Variants in PCCA observed in about 807,000 individuals in gnomAD.
The protein encoded by PCCA is propionyl-CoA carboxylase subunit alpha, also known as propionyl-CoA carboxylase alpha chain, mitochondrial.
Under a neutral mutation model 101.3 loss-of-function variants are expected in PCCA, and 74 were observed. That is an observed-to-expected ratio of 0.73 (90% CI 0.61 to 0.89). The LOEUF (loss-of-function observed/expected upper bound fraction) is 0.89, where lower values mean the gene tolerates loss of function less well. Among genes scored for constraint, PCCA ranks in the 40% least tolerant of loss-of-function variants. The pLI, the probability that PCCA is intolerant of heterozygous loss-of-function variation, is 0.00. For synonymous variants in PCCA, 294 were observed against 313.6 expected (o/e 0.94, Z 0.66); for missense variants, 891 against 907.0 (o/e 0.98, Z 0.23).
In PCCA at chr13:100,112,058, T is replaced by G. The variant is rs1203679401; in HGVS notation, c.297T>G (p.Ser99Arg). ...TVAIHSDVDA[S>R]SVHVKMADEA... ...CCATCCACAGTGATGTTGATGCTAG[T>G]TCTGTAAGTATATTTTTGCTTTGTT... is the stretch of plus-strand genomic sequence containing the variant. Residue 99 changes from serine (S) to arginine (R), a missense_variant, in exon 4 of 24, where the codon AGT becomes AGG. Transcript: ENST00000376285. 3.1e-6 allele frequency: 5 copies of G among 1,608,296 alleles called. No individual in the cohort carries two copies. Among genetic ancestry groups the G allele is most frequent in the Non-Finnish European group, 4.3e-6 (5 of 1,176,424 alleles).
At chr13:100,244,935 G>GTA (rs1215805573) in intron 8 of PCCA, among the ~76,000 whole-genome samples, 1 of 91,630 alleles carries the variant, frequency 1.1e-5, no homozygotes, top group African/African-American at 4.2e-5. Context: ...AAGGCTGTGT[G>GTA]TGTGTGTGTG....
intron 7 of PCCA, among the ~76,000 whole-genome samples, chr13:100,233,710 G>A (rs2060623481): frequency 6.6e-6 from 1 of 152,174 alleles, no homozygotes; most frequent in South Asian, 2.1e-4. Flanking sequence ...TTGGATGAAT[G>A]AGTGACAAGT....
chr13:100,235,930 G>C (rs539694996), intron 8 of PCCA, 52 bp downstream of exon 8: 2 of 1,135,258 alleles, frequency 1.8e-6, no homozygotes, highest in Non-Finnish European at 2.7e-6. Flanking sequence ...CAGCAGATAC[G>C]GTTGAGTCAA....
At chr13:100,353,180 C>T (rs1485972133) in intron 18 of PCCA, among the ~76,000 whole-genome samples, 2 of 152,106 alleles carry the variant, frequency 1.3e-5, no homozygotes, top group Non-Finnish European at 2.9e-5. Context: ...TAGGCAATTC[C>T]ACAATACATC....
intron 17 of PCCA, among the ~76,000 whole-genome samples, chr13:100,339,228 C>A (rs2070951125): frequency 6.6e-6 from 1 of 152,060 alleles, no homozygotes; most frequent in South Asian, 2.1e-4. Flanking sequence ...GAAAAAAAAG[C>A]CTGTACATGT....
chr13:100,283,790 A>C (rs2064335272), intron 12 of PCCA, among the ~76,000 whole-genome samples: 2 of 152,380 alleles, frequency 1.3e-5, no homozygotes, highest in African/African-American at 4.8e-5. Context: ...GGAGCAGGCC[A>C]ATCACCTGGT....
At chr13:100,243,188 A>G (rs958455859) in intron 8 of PCCA, among the ~76,000 whole-genome samples, 9 of 152,184 alleles carry the variant, frequency 5.9e-5, no homozygotes, top group Non-Finnish European at 1.0e-4. Flanking sequence ...AAGCCACCAC[A>G]TCTGGCTGGT....
At position 100,118,094 on chromosome 13, in the gene PCCA, C is replaced by T. The variant is rs187611309; in HGVS notation, c.300+6033C>T. ...TCGTGCCACTGCAGTCCAGCCTGGG[C>T]GACAGAGCAAGACTCCATCTCAAAA... On this transcript the variant is annotated intron_variant, in intron 4 of 23. Transcript: ENST00000376285. 9.7e-3 allele frequency among the ~76,000 whole-genome samples: 1,339 copies of T among 138,544 alleles called. 26 individuals carry two copies. Among genetic ancestry groups the T allele is most frequent in the African/African-American group, 0.025 (928 of 36,484 alleles). The allele number at this position is 138,544 out of a possible 152,430, so 90.9% of individuals were successfully genotyped here.
intron 6 of PCCA, among the ~76,000 whole-genome samples, chr13:100,179,516 C>CA (rs941290815): frequency 6.6e-6 from 1 of 152,142 alleles, no homozygotes; most frequent in Non-Finnish European, 1.5e-5. Context: ...GTTTTCAGCT[C>CA]AGTTTGGTCA....
At chr13:100,412,572 A>C (rs1029706971) in intron 19 of PCCA, among the ~76,000 whole-genome samples, 3 of 152,240 alleles carry the variant, frequency 2.0e-5, no homozygotes, top group African/African-American at 7.2e-5. Context: ...TTTAACAGTT[A>C]AAAGTAAGGT....
intron 17 of PCCA, among the ~76,000 whole-genome samples, chr13:100,339,945 C>T (rs1288636042): frequency 1.3e-5 from 2 of 152,090 alleles, no homozygotes; most frequent in East Asian, 1.9e-4. Context: ...ACTTCTTTCC[C>T]AATATAAACT....
Position 100,283,871 on chromosome 13 carries a change from C to T in PCCA, c.1065+10525C>T, listed in dbSNP as rs563128609. ...TGTCCAATGAGAAACAGGCTGCCGC[C>T]TCGTCCATGTCCACTATGCCGAGGC... On this transcript the variant is annotated intron_variant, in intron 12 of 23. Coordinates refer to ENST00000376285, the MANE Select transcript of PCCA (RefSeq NM_000282.4). Among the ~76,000 whole-genome samples, 46 of 152,320 alleles carry T rather than the reference C, an allele frequency of 3.0e-4. No homozygotes were observed. In the East Asian group the frequency reaches 8.7e-3, roughly 29 times the overall value.
intron 12 of PCCA, among the ~76,000 whole-genome samples, chr13:100,278,297 T>C (rs940421063): frequency 6.6e-6 from 1 of 152,252 alleles, no homozygotes; most frequent in Non-Finnish European, 1.5e-5. Context: ...TATTCTATTC[T>C]AGACCAAAGA....
At position 100,089,227 on chromosome 13, in the gene PCCA, TGAG is replaced by T; in HGVS notation, c.105+6_105+8del. On this transcript the variant is annotated splice_donor_5th_base_variant and intron_variant, in intron 1 of 23. Coordinates refer to ENST00000376285, the MANE Select transcript of PCCA (RefSeq NM_000282.4). ...AGCGCGGCGCTGCGGACCCTGAAGGTGAGGAGCAACGGGGCCTCGCGGGTCCGG... is the reference window on the plus strand; with the variant it reads ...AGCGCGGCGCTGCGGACCCTGAAGGTGAGCAACGGGGCCTCGCGGGTCCGG... The T allele has an allele frequency of 6.6e-7, 1 of 1,508,386 alleles. No homozygotes were observed. Among genetic ancestry groups the T allele is most frequent in the Non-Finnish European group, 8.9e-7 (1 of 1,128,910 alleles). 93.4% of individuals were successfully genotyped at this position (1,508,386 alleles called of 1,614,324 possible).
At chr13:100,424,607 G>C (rs2079022277) in intron 19 of PCCA, among the ~76,000 whole-genome samples, 1 of 152,190 alleles carries the variant, frequency 6.6e-6, no homozygotes. Flanking sequence ...CCTCTTGCCT[G>C]GATATTTTTA....
intron 19 of PCCA, among the ~76,000 whole-genome samples, chr13:100,410,952 CT>C (rs2152870133): frequency 6.6e-6 from 1 of 152,204 alleles, no homozygotes; most frequent in African/African-American, 2.4e-5. Flanking sequence ...TAGTAGCAAA[CT>C]TGTTAGTTAG....
At chr13:100,218,550 C>A (rs556080967) in intron 7 of PCCA, among the ~76,000 whole-genome samples, 2 of 152,220 alleles carry the variant, frequency 1.3e-5, no homozygotes, top group African/African-American at 4.8e-5. Flanking sequence ...TGTGGTAATT[C>A]TTTGTTCAGC....
chr13:100,334,099 A>G (rs1427458432), intron 17 of PCCA, among the ~76,000 whole-genome samples: 2 of 152,142 alleles, frequency 1.3e-5, no homozygotes, highest in East Asian at 1.9e-4. Context: ...ACAAAACAAA[A>G]CAACAACAAC....
At chr13:100,278,102 A>C (rs2063797368) in intron 12 of PCCA, among the ~76,000 whole-genome samples, 5 of 152,166 alleles carry the variant, frequency 3.3e-5, no homozygotes, top group Admixed American at 3.3e-4. Flanking sequence ...AAGTGACAGA[A>C]TTTTGCCTTT....
Sources: gnomAD v4.1 joint callset for allele counts (sites outside exome capture counted in the v4.1 genomes callset) on GRCh38, gnomAD v4.1.1 for gene constraint, MANE v1.5 for transcripts, NCBI Gene and HGNC (gene_info 2026-07-23, HGNC 2026-07-21) for gene names.